Variants in MGAT5 observed in about 807,000 individuals in gnomAD.
MGAT5 encodes alpha-1,6-mannosylglycoprotein 6-beta-N-acetylglucosaminyltransferase.
Under a neutral mutation model 94.3 loss-of-function variants are expected in MGAT5, and 30 were observed. The observed-to-expected ratio is 0.32, with a 90% CI of 0.24 to 0.43. The LOEUF (loss-of-function observed/expected upper bound fraction) is 0.43, where lower values mean the gene tolerates loss of function less well. Ranked by LOEUF, MGAT5 falls within the 20% of genes least tolerant of loss-of-function variation. The pLI is 1.00. For missense variants in MGAT5, 691 were observed against 905.5 expected, an observed-to-expected ratio of 0.76 and a Z score of 3.04; for synonymous variants, 310 against 322.9, an observed-to-expected ratio of 0.96 and a Z score of 0.43.
At chr2:134,215,145 A>T (rs1680412876) in intron 1 of MGAT5, among the ~76,000 whole-genome samples, 1 of 152,222 alleles carries the variant, frequency 6.6e-6, no homozygotes, top group Non-Finnish European at 1.5e-5. Context: ...CATATACCAA[A>T]ATTTATTGAT....
intron 4 of MGAT5, among the ~76,000 whole-genome samples, chr2:134,330,921 T>C (rs1464947143): frequency 2.6e-5 from 4 of 152,206 alleles, no homozygotes; most frequent in Non-Finnish European, 5.9e-5. Context: ...AGAACATTAC[T>C]ACTAAGAGTT....
At chr2:134,374,640 C>G (rs1330547601) in intron 10 of MGAT5, among the ~76,000 whole-genome samples, 3 of 152,196 alleles carry the variant, frequency 2.0e-5, no homozygotes, top group Non-Finnish European at 1.5e-5. Context: ...AGCATATGCT[C>G]AAAATCCAGC....
intron 1 of MGAT5, among the ~76,000 whole-genome samples, chr2:134,133,375 G>C (rs1302086204): frequency 6.6e-6 from 1 of 152,220 alleles, no homozygotes; most frequent in Non-Finnish European, 1.5e-5. Flanking sequence ...ATGTTGCATG[G>C]CTCATGGGAT....
intron 2 of MGAT5, among the ~76,000 whole-genome samples, chr2:134,291,494 C>T (rs138772896): frequency 7.4e-4 from 112 of 152,176 alleles, no homozygotes; most frequent in African/African-American, 2.5e-3. Context: ...AGACAAGGTA[C>T]GTTTAGGATG....
At chr2:134,182,792 T>G (rs865851740) in intron 1 of MGAT5, among the ~76,000 whole-genome samples, 7 of 141,918 alleles carry the variant, frequency 4.9e-5, no homozygotes, top group Admixed American at 2.1e-4. Context: ...TTTTTTTTTT[T>G]TTTTTTTTTT....
chr2:134,416,474 C>CTTTTTTTTTTTTTTTTTTTTTT (rs71275904), intron 12 of MGAT5, among the ~76,000 whole-genome samples: 21 of 139,186 alleles, frequency 1.5e-4, no homozygotes, highest in African/African-American at 4.7e-4. Flanking sequence ...TCATTCCTTA[C>CTTTTTTTTTTTTTTTTTTTTTT]TTTTTTTTTT....
chr2:134,274,667 A>T (rs892006819), intron 2 of MGAT5, among the ~76,000 whole-genome samples: 1 of 152,234 alleles, frequency 6.6e-6, no homozygotes, highest in Non-Finnish European at 1.5e-5. Context: ...ACTGTTCCTT[A>T]AAAGCCAAAA....
chr2:134,381,087 T>C (rs1468894223), intron 10 of MGAT5, among the ~76,000 whole-genome samples: 1 of 152,010 alleles, frequency 6.6e-6, no homozygotes, highest in Non-Finnish European at 1.5e-5. Context: ...GAAGAGCCCA[T>C]GCAATCATTT....
intron 2 of MGAT5, among the ~76,000 whole-genome samples, chr2:134,303,544 T>C (rs914898924): frequency 6.6e-6 from 1 of 152,128 alleles, no homozygotes; most frequent in African/African-American, 2.4e-5. Context: ...TCTGAAGTCC[T>C]GGGCCTGATG....
At chr2:134,399,672 T>G (rs1288010395) in intron 10 of MGAT5, among the ~76,000 whole-genome samples, 1 of 152,114 alleles carries the variant, frequency 6.6e-6, no homozygotes. Flanking sequence ...GGTGATAAAG[T>G]TTTTAGAGCA....
chr2:134,394,362 G>A (rs182756184), intron 10 of MGAT5, among the ~76,000 whole-genome samples: 1 of 152,198 alleles, frequency 6.6e-6, no homozygotes, highest in Admixed American at 6.5e-5. Context: ...TTAATTTTAA[G>A]AATGTTTCTT....
chr2:134,303,655 T>C (rs1686162558), intron 2 of MGAT5, among the ~76,000 whole-genome samples: 1 of 152,162 alleles, frequency 6.6e-6, no homozygotes, highest in Admixed American at 6.6e-5. Flanking sequence ...AGCTGAAGTC[T>C]TGTGAATACT....
At chr2:134,249,298 C>T (rs890603950), upstream of MGAT5, among the ~76,000 whole-genome samples, 10 of 151,614 alleles carry the variant, frequency 6.6e-5, no homozygotes, top group African/African-American at 2.4e-4. Context: ...GTATACAACT[C>T]CATGGCTTTT....
intron 4 of MGAT5, chr2:134,319,793 G>T: frequency 2.5e-6 from 1 of 402,744 alleles, no homozygotes; most frequent in Non-Finnish European, 5.0e-6. Context: ...GAGTACATTG[G>T]GTGCATTCTG....
chr2:134,136,981 A>G (rs907049132), intron 1 of MGAT5, among the ~76,000 whole-genome samples: 1 of 152,184 alleles, frequency 6.6e-6, no homozygotes, highest in East Asian at 1.9e-4. Flanking sequence ...GCAAGGCCAT[A>G]TCTGTCACTA....
intron 1 of MGAT5, among the ~76,000 whole-genome samples, chr2:134,238,390 C>T (rs1343501459): frequency 6.6e-6 from 1 of 152,118 alleles, no homozygotes; most frequent in Admixed American, 6.5e-5. Context: ...CTTCATAGAG[C>T]ATAAAGTTAG....
rs1178566985 is a variant in MGAT5, at chr2:134,163,212, A to T, written c.-143+42921A>T. Among the ~76,000 whole-genome samples the T allele has an allele frequency of 2.0e-5, 3 of 152,122 alleles. No homozygotes were observed. In the East Asian group the frequency reaches 5.8e-4, roughly 29 times the overall value. On this transcript the variant is annotated intron_variant, in intron 1 of 16. Coordinates refer to the MGAT5 transcript ENST00000409645. ...GGACAGGGAAAATAACCTAGCTACG[A>T]TATGGAGAAAAGGTAGATTTCTTAG...
chr2:134,178,529 G>A (rs1043463380), intron 1 of MGAT5, among the ~76,000 whole-genome samples: 23 of 152,168 alleles, frequency 1.5e-4, no homozygotes, highest in Middle Eastern at 3.2e-3. Context: ...CCTCCCACAG[G>A]CCAGCACTAC....
At chr2:134,176,436 C>G (rs1386445477) in intron 1 of MGAT5, among the ~76,000 whole-genome samples, 1 of 151,700 alleles carries the variant, frequency 6.6e-6, no homozygotes, top group Admixed American at 6.6e-5. Context: ...CCTGGGTGTG[C>G]TGGCATATGC....
Sources: allele counts gnomAD v4.1 joint callset (sites outside exome capture counted in the v4.1 genomes callset), GRCh38; gene constraint gnomAD v4.1.1; transcripts MANE v1.5; gene names NCBI Gene and HGNC (gene_info 2026-07-23, HGNC 2026-07-21).